The following ANKRD17 variants were observed in gnomAD, a reference collection of about 807,000 sequenced individuals.
ANKRD17 encodes ankyrin repeat domain-containing protein 17.
In ANKRD17, 19 loss-of-function variants were observed where a neutral mutation model predicts 229.7. The ratio of observed to expected loss-of-function variants is 0.08; its 90% CI spans 0.06 to 0.12. The LOEUF is 0.12. Among genes scored for constraint, ANKRD17 ranks in the 10% least tolerant of loss-of-function variants. ANKRD17 has a pLI of 1.00. For missense variants in ANKRD17, 2,176 were observed against 3,176.8 expected (o/e 0.68, Z 7.57); for synonymous variants, 1,112 against 1,146.1 (o/e 0.97, Z 0.60).
At chr4:73,090,519 TA>T in intron 29 of ANKRD17, 147 bp downstream of exon 29, 2 of 1,000,256 alleles carry the variant, frequency 2.0e-6, no homozygotes, top group Non-Finnish European at 2.9e-6. Flanking sequence ...AACACCATAC[TA>T]AACACAAACA....
chr4:73,095,322 C>T (rs898982497), intron 27 of ANKRD17, among the ~76,000 whole-genome samples: 3 of 150,160 alleles, frequency 2.0e-5, no homozygotes, highest in African/African-American at 4.9e-5. Flanking sequence ...AATCTGAGGC[C>T]GGGCACGGTG....
rs553689364 is a variant in ANKRD17 at position 73,119,682 on chromosome 4, C to A, written c.4025+480G>T. Among the ~76,000 whole-genome samples, 7 of 152,182 alleles carry A rather than the reference C, an allele frequency of 4.6e-5. No individual in the cohort carries two copies. The South Asian group carries it at 1.4e-3, about 32-fold the overall frequency. On this transcript the variant is annotated intron_variant, in intron 21 of 33. Coordinates refer to ENST00000358602, the MANE Select transcript of ANKRD17 (RefSeq NM_032217.5). ...AGTGCACGAAAACAAGTTAAACAGA[C>A]AAGCATCTTTGGAAAACTAGCAGGC... is the stretch of plus-strand genomic sequence containing the variant.
rs58799146 is a variant in ANKRD17 at position 73,075,373 on chromosome 4, T to A, written c.*858A>T. On this transcript the variant is annotated 3_prime_UTR_variant, in exon 34 of 34. Coordinates refer to ENST00000358602, the MANE Select transcript of ANKRD17 (RefSeq NM_032217.5). ...AAACCACTGGTGATGATGAAGATGG[T>A]CCATCTCTGTAGCAGCCATTACAGT... The A allele has an allele frequency of 1.3e-5, 2 of 152,152 alleles. No homozygotes were observed. Among genetic ancestry groups the A allele is most frequent in the African/African-American group, 4.8e-5 (2 of 41,444 alleles). 9.4% of individuals were successfully genotyped at this position (152,152 alleles called of 1,614,324 possible).
chr4:73,085,287 G>C lies in ANKRD17; in HGVS notation c.7121C>G (p.Pro2374Arg), dbSNP rs759938048. The change falls in exon 30 of 34, where the codon CCG becomes CGG. Residue 2374 changes from proline to arginine, a missense_variant. This residue lies in a region of ANKRD17 where 87 missense variants were observed against 116.0 expected (regional missense o/e 0.75). Coordinates refer to ENST00000358602, the MANE Select transcript of ANKRD17 (RefSeq NM_032217.5). ...AANFNRQHFS[P>R]LSLLTPCSSA... is the part of the protein sequence containing the mutation. Reference sequence around the variant, plus strand: ...TGAACACGGAGTCAACAAACTAAGCGGGGAAAAATGTTGTCTGTTAAAGTT... The same window carrying C: ...TGAACACGGAGTCAACAAACTAAGCCGGGAAAAATGTTGTCTGTTAAAGTT... 1 of 1,614,098 alleles carries C rather than the reference G, an allele frequency of 6.2e-7. No homozygotes were observed. Among genetic ancestry groups the C allele is most frequent in the Non-Finnish European group, 8.5e-7 (1 of 1,180,000 alleles).
Position 73,135,097 on chromosome 4 carries a change from C to T in ANKRD17, c.3234+20G>A, listed in dbSNP as rs1728722630. On this transcript the variant is annotated intron_variant, in intron 16 of 33. Coordinates refer to ENST00000358602, the MANE Select transcript of ANKRD17 (RefSeq NM_032217.5). The stretch of plus-strand genomic sequence containing the variant: ...CATAATTCCAATGAAAAAACCATCT[C>T]TCTTAAGTTTGGGACTTACCTGTGC... 6.2e-7 allele frequency: 1 copy of T among 1,600,716 alleles called. No individual in the cohort carries two copies. Among genetic ancestry groups the T allele is most frequent in the East Asian group, 2.2e-5 (1 of 44,550 alleles).
intron 24 of ANKRD17, among the ~76,000 whole-genome samples, chr4:73,106,981 C>CTTTTA (rs1724724152): frequency 6.7e-6 from 1 of 148,314 alleles, no homozygotes; most frequent in Non-Finnish European, 1.5e-5. Context: ...GATATGTATA[C>CTTTTA]AGGTAGACTT....
At chr4:73,203,691 G>A (rs1405873716) in intron 1 of ANKRD17, among the ~76,000 whole-genome samples, 1 of 148,576 alleles carries the variant, frequency 6.7e-6, no homozygotes, top group African/African-American at 2.5e-5. Flanking sequence ...CCCAGGAGGC[G>A]GAGCTTGCAG....
At chr4:73,127,445 G>T (rs1727622670) in intron 16 of ANKRD17, among the ~76,000 whole-genome samples, 1 of 152,052 alleles carries the variant, frequency 6.6e-6, no homozygotes, top group African/African-American at 2.4e-5. Flanking sequence ...GACTACTAGA[G>T]AATTTAAAAT....
At chr4:73,236,975 A>C (rs1743568378) in intron 1 of ANKRD17, among the ~76,000 whole-genome samples, 1 of 152,188 alleles carries the variant, frequency 6.6e-6, no homozygotes, top group Admixed American at 6.6e-5. Flanking sequence ...TAAGAAAAGA[A>C]ATACAAAGGC....
intron 23 of ANKRD17, among the ~76,000 whole-genome samples, chr4:73,114,447 T>C (rs746379635): frequency 3.1e-5 from 2 of 64,422 alleles, no homozygotes; most frequent in Non-Finnish European, 9.1e-5. Flanking sequence ...TTTTATAAAA[T>C]TTTTATTTAT....
At chr4:73,214,201 T>C (rs1268488415) in intron 1 of ANKRD17, among the ~76,000 whole-genome samples, 1 of 152,168 alleles carries the variant, frequency 6.6e-6, no homozygotes, top group South Asian at 2.1e-4. Context: ...TGCTATATTG[T>C]AGTTAAAGGA....
At chr4:73,116,118 A>C (rs1725911593) in intron 22 of ANKRD17, among the ~76,000 whole-genome samples, 1 of 152,050 alleles carries the variant, frequency 6.6e-6, no homozygotes, top group African/African-American at 2.4e-5. Context: ...CCTCCAAAAA[A>C]AGTACATAAT....
intron 3 of ANKRD17, among the ~76,000 whole-genome samples, chr4:73,158,108 G>T (rs1392172025): frequency 8.6e-6 from 1 of 116,022 alleles, no homozygotes; most frequent in Non-Finnish European, 1.8e-5. Context: ...AGAAAGGAAG[G>T]AAAGAAGGAG....
intron 2 of ANKRD17, among the ~76,000 whole-genome samples, chr4:73,166,489 A>T (rs1423719248): frequency 6.6e-6 from 1 of 152,176 alleles, no homozygotes; most frequent in Non-Finnish European, 1.5e-5. Flanking sequence ...AGTCTAAAAA[A>T]TTTTACCTCT....
chr4:73,205,325 T>A (rs1046951963), intron 1 of ANKRD17, among the ~76,000 whole-genome samples: 9 of 151,874 alleles, frequency 5.9e-5, no homozygotes, highest in Admixed American at 2.0e-4. Context: ...CTAAAAAAAA[T>A]TTTTTAGCAA....
At chr4:73,108,163 G>A (rs1435043460) in intron 24 of ANKRD17, among the ~76,000 whole-genome samples, 3 of 152,060 alleles carry the variant, frequency 2.0e-5, no homozygotes, top group Admixed American at 6.5e-5. Flanking sequence ...ATTTTTCAAC[G>A]CGATGGAGTA....
intron 1 of ANKRD17, among the ~76,000 whole-genome samples, chr4:73,217,432 A>G (rs1348019356): frequency 6.6e-6 from 1 of 152,234 alleles, no homozygotes; most frequent in Non-Finnish European, 1.5e-5. Context: ...GGACTTCCAA[A>G]TAAGAGTATC....
rs151326629 is a variant in ANKRD17 at position 73,086,182 on chromosome 4, T to C, written c.6962-736A>G. Among the ~76,000 whole-genome samples the C allele has an allele frequency of 5.3e-4, 80 of 152,320 alleles. 2 individuals are homozygous for C. The East Asian group carries it at 9.1e-3, about 17-fold the overall frequency. On this transcript the variant is annotated intron_variant, in intron 29 of 33. Coordinates refer to ENST00000358602, the MANE Select transcript of ANKRD17 (RefSeq NM_032217.5). ...CCTTTACATGGGCTTTCTGTCAAAG[T>C]GGACTTTTGTTGCCTTTATTGATCA...
intron 30 of ANKRD17, among the ~76,000 whole-genome samples, chr4:73,079,919 A>G (rs1157327397): frequency 6.6e-6 from 1 of 152,108 alleles, no homozygotes; most frequent in Admixed American, 6.6e-5. Flanking sequence ...TCGAGGGGCC[A>G]ATATGGTGAT....
Sources: allele counts gnomAD v4.1 joint callset (sites outside exome capture counted in the v4.1 genomes callset), GRCh38; gene constraint gnomAD v4.1.1; regional missense constraint gnomAD v4.1.1; transcripts MANE v1.5; gene names NCBI Gene and HGNC (gene_info 2026-07-23, HGNC 2026-07-21).